Variants in FRMPD4 observed in about 807,000 individuals in gnomAD.
FRMPD4 encodes the protein FERM and PDZ domain containing 4.
Under a neutral mutation model 94.1 loss-of-function variants are expected in FRMPD4, and 22 were observed. The observed-to-expected ratio is 0.23, with a 90% CI of 0.17 to 0.33. The LOEUF (loss-of-function observed/expected upper bound fraction) is 0.33, where lower values mean the gene tolerates loss of function less well. FRMPD4 is among the 10% of genes least tolerant of loss of function. The pLI is 1.00. For synonymous variants in FRMPD4, 631 were observed against 548.6 expected (o/e 1.15, Z -2.10); for missense variants, 1,111 against 1,339.9 (o/e 0.83, Z 2.67).
chrX:12,052,531 T>A (rs1374710458), intron 3 of FRMPD4, among the ~76,000 whole-genome samples: 1 of 112,104 alleles, frequency 8.9e-6, no homozygotes, highest in Non-Finnish European at 1.9e-5. Context: ...AAGCCCTGAG[T>A]TGAAAACCGA....
At chrX:12,282,729 G>A (rs778898588) in intron 1 of FRMPD4, among the ~76,000 whole-genome samples, 22 of 111,943 alleles carry the variant, frequency 2.0e-4, no homozygotes, top group Non-Finnish European at 3.8e-4. Context: ...CTTGGGGCAC[G>A]GGTGCGCTCA....
chrX:12,249,273 TA>T (rs34413297), intron 1 of FRMPD4, among the ~76,000 whole-genome samples: 13,138 of 111,364 alleles, frequency 0.12, 742 homozygotes, highest in South Asian at 0.24. Flanking sequence ...CTTGTGGTAT[TA>T]AATTGTGGAG....
chrX:12,553,645 G>A (rs1163323598), intron 2 of FRMPD4, among the ~76,000 whole-genome samples: 1 of 107,670 alleles, frequency 9.3e-6, no homozygotes, highest in African/African-American at 3.4e-5. Flanking sequence ...GCGAGGTCCT[G>A]CTAGATGGCA....
chrX:12,612,578 T>A (rs1171975286), intron 3 of FRMPD4, among the ~76,000 whole-genome samples: 1 of 112,484 alleles, frequency 8.9e-6, no homozygotes, highest in Admixed American at 9.4e-5. Context: ...TGGGACAGTG[T>A]GTCTCTTCTC....
At chrX:12,236,845 G>A (rs1331770519) in intron 1 of FRMPD4, among the ~76,000 whole-genome samples, 1 of 112,133 alleles carries the variant, frequency 8.9e-6, no homozygotes, top group Non-Finnish European at 1.9e-5. Flanking sequence ...TACATCAGCT[G>A]TTTTATTTAA....
In FRMPD4 at chrX:12,723,249, T is replaced by G. The variant is rs769972557; in HGVS notation, c.*1391T>G. 2.7e-5 allele frequency: 3 copies of G among 111,644 alleles called. No homozygotes were observed. The highest frequency in any genetic ancestry group is 9.8e-5 in the African/African-American group (3 of 30,691). The allele number at this position is 111,644 out of a possible 1,213,427, so 9.2% of individuals were successfully genotyped here. On this transcript the variant is annotated 3_prime_UTR_variant, in exon 17 of 17. Transcript: ENST00000675598. Reference sequence around the variant, plus strand: ...CTGCAGTCATAAAATAAAATCGATATGTATATATGTATTTCCTGGGTCATT... The same window carrying G: ...CTGCAGTCATAAAATAAAATCGATAGGTATATATGTATTTCCTGGGTCATT...
At chrX:12,200,592 C>T (rs1245005655) in intron 1 of FRMPD4, among the ~76,000 whole-genome samples, 1 of 111,329 alleles carries the variant, frequency 9.0e-6, no homozygotes, top group East Asian at 2.8e-4. Context: ...CCTTAGTCTC[C>T]CAAAGTGTTG....
At chrX:12,079,410 A>G (rs890862245) in intron 3 of FRMPD4, among the ~76,000 whole-genome samples, 2 of 111,481 alleles carry the variant, frequency 1.8e-5, no homozygotes, top group East Asian at 2.8e-4. Context: ...ATAATTAAAC[A>G]TTAATAAAAA....
intron 3 of FRMPD4, among the ~76,000 whole-genome samples, chrX:12,037,259 T>C (rs1011202473): frequency 8.9e-6 from 1 of 112,079 alleles, no homozygotes; most frequent in South Asian, 3.7e-4. Context: ...ATGAGGATTA[T>C]ATTTGTCAAT....
chrX:11,840,817 A>T (rs2053530939), intron 1 of FRMPD4, among the ~76,000 whole-genome samples: 1 of 107,499 alleles, frequency 9.3e-6, no homozygotes, highest in Non-Finnish European at 1.9e-5. Context: ...ATATGTATAC[A>T]TGTGCCTTGC....
At chrX:12,717,317 T>TA (rs2042110299) in intron 15 of FRMPD4, among the ~76,000 whole-genome samples, 184 bp downstream of exon 15, 1 of 111,126 alleles carries the variant, frequency 9.0e-6, no homozygotes, top group Non-Finnish European at 1.9e-5. Context: ...TATTTTTTTT[T>TA]AAAAACATAA....
chrX:12,151,303 T>C (rs1896190035), intron 1 of FRMPD4, among the ~76,000 whole-genome samples: 1 of 111,686 alleles, frequency 9.0e-6, no homozygotes, highest in South Asian at 3.7e-4. Context: ...ATTACTTAAC[T>C]CTGTAAAGTG....
At chrX:12,065,711 A>T (rs2054915289) in intron 3 of FRMPD4, among the ~76,000 whole-genome samples, 1 of 112,321 alleles carries the variant, frequency 8.9e-6, no homozygotes, top group Non-Finnish European at 1.9e-5. Flanking sequence ...AAATACTAAT[A>T]TTCCAGAAGT....
intron 3 of FRMPD4, among the ~76,000 whole-genome samples, chrX:11,973,770 A>T (rs1224213250): frequency 8.9e-6 from 1 of 111,959 alleles, no homozygotes; most frequent in Admixed American, 9.5e-5. Flanking sequence ...GGTGATAAGG[A>T]GTGCTATATA....
At chrX:12,427,409 C>A in intron 1 of FRMPD4, among the ~76,000 whole-genome samples, 1 of 110,931 alleles carries the variant, frequency 9.0e-6, no homozygotes, top group Non-Finnish European at 1.9e-5. Context: ...TATGCAAACA[C>A]CTCAAGCTAA....
Position 12,335,403 on chromosome X carries a change from C to T in FRMPD4, c.42-163277C>T, listed in dbSNP as rs149478709. 8.3e-3 allele frequency among the ~76,000 whole-genome samples: 929 copies of T among 112,178 alleles called. 6 individuals carry two copies. Among genetic ancestry groups the T allele is most frequent in the Non-Finnish European group, 0.014 (726 of 53,201 alleles). ...TCAGCCTCCCACAGTGCTGGGATTA[C>T]AGGCGTGAGCCACTGTGCCTGGCCT... On this transcript the variant is annotated intron_variant, in intron 1 of 16. Coordinates refer to ENST00000675598, the MANE Select transcript of FRMPD4 (RefSeq NM_001368397.1).
chrX:12,015,004 C>G (rs773569250), intron 3 of FRMPD4, among the ~76,000 whole-genome samples: 1 of 111,444 alleles, frequency 9.0e-6, no homozygotes, highest in African/African-American at 3.3e-5. Flanking sequence ...GTTGGACCCA[C>G]AGATATATAA....
intron 1 of FRMPD4, among the ~76,000 whole-genome samples, chrX:12,421,043 G>A (rs1332539758): frequency 8.9e-6 from 1 of 112,106 alleles, no homozygotes; most frequent in Non-Finnish European, 1.9e-5. Flanking sequence ...GCATTTATAG[G>A]TGTTCGAAGA....
intron 3 of FRMPD4, among the ~76,000 whole-genome samples, chrX:11,995,565 A>G (rs149290445): frequency 1.5e-4 from 17 of 111,980 alleles, no homozygotes; most frequent in Non-Finnish European, 2.3e-4. Flanking sequence ...ACTCCTTAAA[A>G]TTGAAGATAA....
Sources: allele counts gnomAD v4.1 joint callset (sites outside exome capture counted in the v4.1 genomes callset), GRCh38; gene constraint gnomAD v4.1.1; transcripts MANE v1.5; gene names NCBI Gene and HGNC (gene_info 2026-07-23, HGNC 2026-07-21).